The following DDX17 variants were observed in gnomAD, a reference collection of about 807,000 sequenced individuals.
DDX17 encodes the protein DEAD-box helicase 17, also known as probable ATP-dependent RNA helicase DDX17.
DDX17 carries 10 observed loss-of-function variants against 80.8 expected under a neutral mutation model. That is an observed-to-expected ratio of 0.12 (90% CI 0.08 to 0.21). The LOEUF is 0.21. Ranked by LOEUF, DDX17 falls within the 10% of genes least tolerant of loss-of-function variation. The pLI, the probability that DDX17 is intolerant of heterozygous loss-of-function variation, is 1.00. For synonymous variants in DDX17, 339 were observed against 336.2 expected, an observed-to-expected ratio of 1.01 and a Z score of -0.09; for missense variants, 586 against 957.4, an observed-to-expected ratio of 0.61 and a Z score of 5.12.
chr22:38,493,145 C>T (rs932759496), intron 10 of DDX17, among the ~76,000 whole-genome samples: 2 of 152,170 alleles, frequency 1.3e-5, no homozygotes, highest in Non-Finnish European at 2.9e-5. Context: ...CCAAATCTGG[C>T]ACAACGCCTA....
chr22:38,491,955 T>A (rs2089718091), intron 11 of DDX17, 101 bp downstream of exon 11: 1 of 725,188 alleles, frequency 1.4e-6, no homozygotes, highest in Non-Finnish European at 2.2e-6. Flanking sequence ...TCTAACCACA[T>A]GTATATACAA....
At chr22:38,505,668 A>C in intron 1 of DDX17, 1 of 408,084 alleles carries the variant, frequency 2.5e-6, no homozygotes, top group Admixed American at 4.7e-5. Context: ...TGATGCGGCC[A>C]GGCCGCCCCT....
In DDX17 at chr22:38,485,957, G is replaced by A. The variant is rs1245641233; in HGVS notation, c.2168C>T (p.Pro723Leu). ...GTTTCATTTACGTGAAGGAGGAGGA[G>A]GGGGAGGAGGAGGAGGGTATTGGTA... Residue 723 changes from proline (P) to leucine (L), a missense_variant, in exon 13 of 13, where the codon CCT becomes CTT. Coordinates refer to ENST00000403230, the MANE Select transcript of DDX17 (RefSeq NM_006386.5). 2 of 1,613,750 alleles carry A rather than the reference G, an allele frequency of 1.2e-6. No individual in the cohort carries two copies. Among genetic ancestry groups the A allele is most frequent in the African/African-American group, 1.3e-5 (1 of 74,858 alleles).
chr22:38,495,974 AGG>A, intron 5 of DDX17, 37 bp from the exon 6 acceptor site: 4 of 1,133,294 alleles, frequency 3.5e-6, no homozygotes, highest in African/African-American at 2.0e-5. Flanking sequence ...ACCTCATCCA[AGG>A]TTTAAAAAAA....
chr22:38,486,230 T>C lies in DDX17; in HGVS notation c.1895A>G (p.Gln632Arg). 1.2e-6 allele frequency: 2 copies of C among 1,614,218 alleles called. No individual in the cohort carries two copies. The highest frequency in any genetic ancestry group is 2.2e-5 in the South Asian group (2 of 91,088). Residue 632 changes from glutamine to arginine, a missense_variant, in exon 13 of 13, where the codon CAA becomes CGA. Gln to Arg is a conservative substitution (Grantham distance 43). Around this residue, in one of 4 missense-constraint regions of DDX17, gnomAD observed 221 missense variants for 261.4 expected, o/e 0.85. Coordinates refer to ENST00000403230, the MANE Select transcript of DDX17 (RefSeq NM_006386.5). The stretch of plus-strand genomic sequence containing the variant: ...ATAGGTGCCTTGACCATAGGTGTAT[T>C]GGCCTGCTTGTGCTCCAAAGGCAGA...
intron 11 of DDX17, chr22:38,488,673 C>T (rs1017857688): frequency 2.8e-5 from 28 of 987,806 alleles, no homozygotes; most frequent in Non-Finnish European, 3.4e-5. Flanking sequence ...TAACATTTAA[C>T]TTTTTTTGCT....
rs2089716324 is a variant in DDX17, at chr22:38,491,824, A to G, written c.1447+232T>C. 9.8e-6 allele frequency: 4 copies of G among 407,330 alleles called. No individual in the cohort carries two copies. The East Asian group carries it at 1.8e-4, about 18-fold the overall frequency. The allele number at this position is 407,330 out of a possible 1,614,324, so 25.2% of individuals were successfully genotyped here. On this transcript the variant is annotated intron_variant, in intron 11 of 12. Coordinates refer to ENST00000403230, the MANE Select transcript of DDX17 (RefSeq NM_006386.5). ...TGCTGCAGACCAAAGCCTGTTTGTT[A>G]GGAGCAGGAAGAGACTTTGAAAATA... is the stretch of plus-strand genomic sequence containing the variant.
At chr22:38,504,880 A>T (rs1005639687) in intron 1 of DDX17, among the ~76,000 whole-genome samples, 1 of 151,700 alleles carries the variant, frequency 6.6e-6, no homozygotes, top group African/African-American at 2.4e-5. Context: ...ACACACACAC[A>T]TATCAAGTGG....
At position 38,495,781 on chromosome 22, in the gene DDX17, A is replaced by G. The variant is rs371082229; in HGVS notation, c.880+15T>C. The G allele has an allele frequency of 2.2e-5, 33 of 1,534,068 alleles. No homozygotes were observed. Among genetic ancestry groups the G allele is most frequent in the Non-Finnish European group, 2.8e-5 (32 of 1,139,936 alleles). Reference sequence around the variant, plus strand: ...TAAGATAAACTAACAATTCTTTTACACTATATATTATTACCTCTTTCCAAG... The same window carrying G: ...TAAGATAAACTAACAATTCTTTTACGCTATATATTATTACCTCTTTCCAAG... On this transcript the variant is annotated intron_variant, in intron 6 of 12. Coordinates refer to ENST00000403230, the MANE Select transcript of DDX17 (RefSeq NM_006386.5).
chr22:38,502,280 G>A (rs1044115151), intron 1 of DDX17, among the ~76,000 whole-genome samples: 2 of 152,038 alleles, frequency 1.3e-5, no homozygotes, highest in African/African-American at 4.8e-5. Context: ...AGGCGTGGTG[G>A]TGCACGCCTG....
intron 6 of DDX17, 25 bp downstream of exon 6, chr22:38,495,771 A>G (rs769223756): frequency 2.0e-6 from 3 of 1,466,354 alleles, no homozygotes; most frequent in Non-Finnish European, 2.7e-6. Flanking sequence ...TAAACTAACA[A>G]TTCTTTTACA....
chr22:38,495,718 CT>C lies in DDX17; in HGVS notation c.880+77del, dbSNP rs368559111. On this transcript the variant is annotated intron_variant, in intron 6 of 12. Coordinates refer to ENST00000403230, the MANE Select transcript of DDX17 (RefSeq NM_006386.5). ...ATTCTGAGTTTATCACAAGAACCCA[CT>C]TTTTTTCTCCAATTTCCTCCACAGG... The C allele has an allele frequency of 2.5e-4, 318 of 1,288,908 alleles. 2 individuals carry two copies. The African/African-American group carries it at 4.1e-3, about 17-fold the overall frequency. 79.8% of individuals were successfully genotyped at this position (1,288,908 alleles called of 1,614,324 possible).
At chr22:38,502,466 T>C (rs1209879345) in intron 1 of DDX17, among the ~76,000 whole-genome samples, 1 of 151,552 alleles carries the variant, frequency 6.6e-6, no homozygotes, top group African/African-American at 2.4e-5. Flanking sequence ...TCTTCTTTGA[T>C]CTCTACTTTT....
chr22:38,485,879 A>T lies in DDX17; in HGVS notation c.*56T>A, dbSNP rs1265181174. Reference sequence around the variant, plus strand: ...GGCGAAGAGGAAAAAAAAAGGAAAGACAGTGTTCCTTAAAATGTAATTAAG... The same window carrying T: ...GGCGAAGAGGAAAAAAAAAGGAAAGTCAGTGTTCCTTAAAATGTAATTAAG... On this transcript the variant is annotated 3_prime_UTR_variant, in exon 13 of 13. Transcript: ENST00000403230. 1 of 1,559,572 alleles carries T rather than the reference A, an allele frequency of 6.4e-7. No homozygotes were observed. The highest frequency in any genetic ancestry group is 1.2e-5 in the South Asian group (1 of 84,110).
At chr22:38,496,747 A>G (rs989033247) in intron 5 of DDX17, among the ~76,000 whole-genome samples, 45 of 152,198 alleles carry the variant, frequency 3.0e-4, no homozygotes, top group African/African-American at 1.0e-3. Context: ...GATAAGGCAA[A>G]AACAATGAAA....
rs1334911769 is a variant in DDX17, at chr22:38,483,928, T to A, written c.*2007A>T. 1 of 152,246 alleles carries A rather than the reference T, an allele frequency of 6.6e-6. No individual in the cohort carries two copies. Among genetic ancestry groups the A allele is most frequent in the East Asian group, 1.9e-4 (1 of 5,204 alleles). 9.4% of individuals were successfully genotyped at this position (152,246 alleles called of 1,614,324 possible). A position where few individuals can be genotyped will look rare whatever the true frequency, so the allele number is the denominator to read the frequency against. On this transcript the variant is annotated 3_prime_UTR_variant, in exon 13 of 13. Transcript: ENST00000403230. ...TGAGGTTTGGAATTTACTGTTATTT[T>A]ATGATTACAATGTCCCAGGTGGAAA...
intron 6 of DDX17, 94 bp from the exon 7 acceptor site, chr22:38,495,140 C>T (rs528261513): frequency 3.7e-5 from 47 of 1,282,736 alleles, no homozygotes; most frequent in Non-Finnish European, 4.9e-5. Context: ...GGGAAGATCG[C>T]TTGAGGCCAG....
At chr22:38,494,575 G>T in intron 8 of DDX17, 55 bp downstream of exon 8, 2 of 1,550,830 alleles carry the variant, frequency 1.3e-6, no homozygotes, top group Non-Finnish European at 1.8e-6. Context: ...ATTTTGGAGG[G>T]TTATTAGAAA....
intron 1 of DDX17, chr22:38,505,502 A>C: frequency 6.2e-6 from 1 of 162,148 alleles, no homozygotes; most frequent in Non-Finnish European, 1.3e-5. Context: ...CAAGGGTGCC[A>C]TTTCGTGTAA....
Sources: gnomAD v4.1 joint callset for allele counts (sites outside exome capture counted in the v4.1 genomes callset) on GRCh38, gnomAD v4.1.1 for gene constraint, gnomAD v4.1.1 regional missense constraint, MANE v1.5 for transcripts, NCBI Gene and HGNC (gene_info 2026-07-23, HGNC 2026-07-21) for gene names.